The following PIK3IP1 variants were observed in gnomAD, a reference collection of about 807,000 sequenced individuals.
The protein encoded by PIK3IP1 is phosphoinositide-3-kinase-interacting protein 1.
In PIK3IP1, 28 loss-of-function variants were observed where a neutral mutation model predicts 30.7. That is an observed-to-expected ratio of 0.91 (90% CI 0.68 to 1.25). The LOEUF is 1.25. Among genes scored for constraint, PIK3IP1 ranks in the 50% most tolerant of loss-of-function variants. PIK3IP1 has a pLI of 0.00. For missense variants in PIK3IP1, 333 were observed against 346.2 expected (o/e 0.96, Z 0.30); for synonymous variants, 159 against 140.8 (o/e 1.13, Z -0.91).
chr22:31,282,952 A>T lies in PIK3IP1; in HGVS notation c.*132T>A. On this transcript the variant is annotated 3_prime_UTR_variant, in exon 6 of 6. Coordinates refer to ENST00000215912, the MANE Select transcript of PIK3IP1 (RefSeq NM_052880.5). ...AGGGCCACCTGCTTCTGTCACTCTT[A>T]CTAGGATTCGCCAAAAAAGCGGGGG... 1.4e-6 allele frequency: 1 copy of T among 692,298 alleles called. No homozygotes were observed. The highest frequency in any genetic ancestry group is 2.4e-6 in the Non-Finnish European group (1 of 414,778). 42.9% of individuals were successfully genotyped at this position (692,298 alleles called of 1,614,324 possible).
chr22:31,285,669 T>C (rs1355217117), intron 5 of PIK3IP1, among the ~76,000 whole-genome samples: 1 of 152,220 alleles, frequency 6.6e-6, no homozygotes, highest in African/African-American at 2.4e-5. Context: ...CCAGCCTTTT[T>C]TTAAATTTCT....
Position 31,291,267 on chromosome 22 carries a change from G to A in PIK3IP1, c.100C>T (p.Arg34Trp). 6.4e-7 allele frequency: 1 copy of A among 1,555,446 alleles called. No homozygotes were observed. Among genetic ancestry groups the A allele is most frequent in the Non-Finnish European group, 8.7e-7 (1 of 1,150,210 alleles). ...GGCGCGGGGGAGGTCTGGTCCTCCC[G>A]GTACAGGTGGCCGTTGTCCCAGAAA... ...GCFWDNGHLYREDQTSPAPGL... is the reference protein window; with the variant it reads ...GCFWDNGHLYWEDQTSPAPGL... Residue 34 changes from arginine (R) to tryptophan (W), a missense_variant, in exon 2 of 6, where the codon CGG (arginine) becomes TGG (tryptophan). Transcript: ENST00000215912.
In PIK3IP1 at chr22:31,289,414, G is replaced by A. The variant is rs140952600; in HGVS notation, c.509-21C>T. 6.9e-6 allele frequency: 11 copies of A among 1,591,040 alleles called. No homozygotes were observed. The East Asian group carries it at 2.0e-4, about 29-fold the overall frequency. ...GTAGCCTGCCAAGGATAGGACACAA[G>A]GTCCCATTAGCCACACCCTAGACAA... On this transcript the variant is annotated intron_variant, in intron 4 of 5. Coordinates refer to ENST00000215912, the MANE Select transcript of PIK3IP1 (RefSeq NM_052880.5).
chr22:31,290,919 C>A, intron 3 of PIK3IP1, 46 bp downstream of exon 3: 2 of 1,530,054 alleles, frequency 1.3e-6, no homozygotes, highest in Non-Finnish European at 1.7e-6. Context: ...TCAGCCGCTT[C>A]CTGTCAGCGC....
chr22:31,292,243 G>A (rs1240130227), intron 1 of PIK3IP1, 32 bp downstream of exon 1: 1 of 1,606,600 alleles, frequency 6.2e-7, no homozygotes, highest in Non-Finnish European at 8.5e-7. Flanking sequence ...GTTTCATGAA[G>A]TTGCTGCGGA....
chr22:31,289,308 T>C lies in PIK3IP1; in HGVS notation c.587+7A>G. 1 of 1,614,096 alleles carries C rather than the reference T, an allele frequency of 6.2e-7. No individual in the cohort carries two copies. Among genetic ancestry groups the C allele is most frequent in the Non-Finnish European group, 8.5e-7 (1 of 1,179,948 alleles). Reference sequence around the variant, plus strand: ...TCCTAAGAGGGCCCAGAAGAGAAGCTACTGACCTCTTGTAGGAGTAGCCCA... The same window carrying C: ...TCCTAAGAGGGCCCAGAAGAGAAGCCACTGACCTCTTGTAGGAGTAGCCCA... On this transcript the variant is annotated splice_region_variant and intron_variant, in intron 5 of 5. Transcript: ENST00000215912.
chr22:31,291,158 C>G, intron 2 of PIK3IP1, 22 bp downstream of exon 2: 1 of 1,538,730 alleles, frequency 6.5e-7, no homozygotes, highest in South Asian at 1.2e-5. Context: ...AGCCCCGGGG[C>G]CGTCCCCCGG....
At chr22:31,289,143 C>T (rs11089495) in intron 5 of PIK3IP1, 172 bp downstream of exon 5, 111,067 of 659,250 alleles carry the variant, frequency 0.17, 13,227 homozygotes, top group African/African-American at 0.5. Flanking sequence ...GGTGTAAAGG[C>T]ACCAAAGGAA....
chr22:31,289,632 T>G lies in PIK3IP1; in HGVS notation c.375A>C (p.Ala125=). 2 of 1,555,968 alleles carry G rather than the reference T, an allele frequency of 1.3e-6. No homozygotes were observed. The highest frequency in any genetic ancestry group is 1.7e-6 in the Non-Finnish European group (2 of 1,148,806). ...EIQEASEGPG[A]DEVQVFAPAN... ...CAGGAGCGAACACCTGCACCTCATC[T>G]GCACCTGGCCCTTCAGACGCTTCCT... Residue 125 remains alanine, a synonymous_variant, in exon 4 of 6, where the codon GCA becomes GCC. Coordinates refer to ENST00000215912, the MANE Select transcript of PIK3IP1 (RefSeq NM_052880.5).
chr22:31,286,547 C>T (rs1200822222), intron 5 of PIK3IP1, among the ~76,000 whole-genome samples: 1 of 152,208 alleles, frequency 6.6e-6, no homozygotes, highest in Non-Finnish European at 1.5e-5. Context: ...AGTCTGATGA[C>T]TGGGTGCCTT....
At position 31,285,501 on chromosome 22, in the gene PIK3IP1, T is replaced by G. The variant is rs148345668; in HGVS notation, c.588-2213A>C. Among the ~76,000 whole-genome samples, 20 of 152,274 alleles carry G rather than the reference T, an allele frequency of 1.3e-4. No homozygotes were observed. In the East Asian group the frequency reaches 3.1e-3, roughly 24 times the overall value. On this transcript the variant is annotated intron_variant, in intron 5 of 5. Transcript: ENST00000215912. The stretch of plus-strand genomic sequence containing the variant: ...CCCAGTCTTAGCACCGGCAATATTG[T>G]CTTTTTAGGAAATAGAGTTGGGAGT...
intron 5 of PIK3IP1, among the ~76,000 whole-genome samples, chr22:31,287,329 A>AT (rs776460911): frequency 0.27 from 23,254 of 85,594 alleles, 3,612 homozygotes; most frequent in East Asian, 0.41. Flanking sequence ...CATTACCTAC[A>AT]TTTTTTTTTT....
intron 5 of PIK3IP1, among the ~76,000 whole-genome samples, chr22:31,283,949 G>C (rs2049111443): frequency 6.6e-6 from 1 of 151,946 alleles, no homozygotes; most frequent in Non-Finnish European, 1.5e-5. Flanking sequence ...TTTTTGCCCA[G>C]GCTGGAGTAC....
rs1212338175 is a variant in PIK3IP1 at position 31,291,092 on chromosome 22, A to C, written c.188-8T>G. 7 of 1,548,092 alleles carry C rather than the reference A, an allele frequency of 4.5e-6. No individual in the cohort carries two copies. In the Admixed American group the frequency reaches 1.2e-4, roughly 26 times the overall value. ...AACTGTGATTGCCGGCCCCTAAGAG[A>C]GGAGAGAAGGAAATGTGTGCCGGGG... is the stretch of plus-strand genomic sequence containing the variant. On this transcript the variant is annotated splice_polypyrimidine_tract_variant and splice_region_variant and intron_variant, in intron 2 of 5. Coordinates refer to ENST00000215912, the MANE Select transcript of PIK3IP1 (RefSeq NM_052880.5).
At chr22:31,290,890 C>A in intron 3 of PIK3IP1, 75 bp downstream of exon 3, 1 of 1,464,228 alleles carries the variant, frequency 6.8e-7, no homozygotes, top group South Asian at 1.4e-5. Flanking sequence ...CGCGCGGCCG[C>A]ACGTGCGCCA....
chr22:31,291,327 A>G (rs4820044), intron 1 of PIK3IP1, 31 bp from the exon 2 acceptor site: 1,454,327 of 1,547,284 alleles, frequency 0.94, 684,049 homozygotes, highest in East Asian at 1. Context: ...CGGACACAGA[A>G]TAGCGGGCAG....
chr22:31,287,177 C>T (rs1456967290), intron 5 of PIK3IP1, among the ~76,000 whole-genome samples: 1 of 151,638 alleles, frequency 6.6e-6, no homozygotes, highest in Non-Finnish European at 1.5e-5. Flanking sequence ...ACCACCATGC[C>T]TGGCTAATTT....
chr22:31,292,491 G>T, upstream of PIK3IP1: 1 of 642,866 alleles, frequency 1.6e-6, no homozygotes. Flanking sequence ...TTAGAACTGG[G>T]AGCTTCCCAG....
In PIK3IP1 at chr22:31,282,733, TAAAGC is replaced by T; in HGVS notation, c.*346_*350del. 2 of 260,214 alleles carry T rather than the reference TAAAGC, an allele frequency of 7.7e-6. No homozygotes were observed. The highest frequency in any genetic ancestry group is 1.4e-4 in the South Asian group (2 of 14,808). The allele number at this position is 260,214 out of a possible 1,614,324, so 16.1% of individuals were successfully genotyped here. A position where few individuals can be genotyped will look rare whatever the true frequency, so the allele number is the denominator to read the frequency against. On this transcript the variant is annotated 3_prime_UTR_variant, in exon 6 of 6. Coordinates refer to ENST00000215912, the MANE Select transcript of PIK3IP1 (RefSeq NM_052880.5). ...ACAGTGGAGACTGAGGCCATCTTAG[TAAAGC>T]ACAGAGGAGCCTGGGGGAGCTCCCC...
Sources: gnomAD v4.1 joint callset for allele counts (sites outside exome capture counted in the v4.1 genomes callset) on GRCh38, gnomAD v4.1.1 for gene constraint, MANE v1.5 for transcripts, NCBI Gene and HGNC (gene_info 2026-07-23, HGNC 2026-07-21) for gene names.